The following IL1RAPL2 variants were observed in gnomAD, a reference collection of about 807,000 sequenced individuals.
IL1RAPL2 encodes the protein interleukin 1 receptor accessory protein like 2.
Under a neutral mutation model 44.1 loss-of-function variants are expected in IL1RAPL2, and 3 were observed. The observed-to-expected ratio is 0.07, with a 90% CI of 0.03 to 0.18. The LOEUF is 0.18. Among genes scored for constraint, IL1RAPL2 ranks in the 10% least tolerant of loss-of-function variants. The pLI, the probability that IL1RAPL2 is intolerant of heterozygous loss-of-function variation, is 1.00. For missense variants in IL1RAPL2, 391 were observed against 496.4 expected (o/e 0.79, Z 2.02); for synonymous variants, 181 against 178.8 (o/e 1.01, Z -0.10).
chrX:105,401,306 T>C (rs1428200128), intron 5 of IL1RAPL2, among the ~76,000 whole-genome samples: 1 of 111,426 alleles, frequency 9.0e-6, no homozygotes, highest in Non-Finnish European at 1.9e-5. Context: ...AAAGGTTATA[T>C]GAGATTGGTT....
At chrX:104,964,278 G>GGATT (rs1169300634) in intron 2 of IL1RAPL2, among the ~76,000 whole-genome samples, 37 of 86,170 alleles carry the variant, frequency 4.3e-4, no homozygotes, top group South Asian at 1.1e-3. Context: ...ATTGTGCCAG[G>GGATT]GATTTATTTA....
At chrX:105,526,846 G>C (rs1304939903) in intron 6 of IL1RAPL2, among the ~76,000 whole-genome samples, 1 of 111,226 alleles carries the variant, frequency 9.0e-6, no homozygotes, top group Non-Finnish European at 1.9e-5. Context: ...TTCTGGTTTA[G>C]TGCTTTCTGG....
At chrX:105,203,202 C>A (rs1224980808) in intron 3 of IL1RAPL2, among the ~76,000 whole-genome samples, 2 of 112,201 alleles carry the variant, frequency 1.8e-5, no homozygotes, top group African/African-American at 6.5e-5. Context: ...CAGATTCTAT[C>A]CCTATTTGCT....
chrX:105,314,898 G>C (rs2034825548), intron 5 of IL1RAPL2, among the ~76,000 whole-genome samples: 1 of 112,015 alleles, frequency 8.9e-6, no homozygotes, highest in Non-Finnish European at 1.9e-5. Context: ...GGAGGGAAAG[G>C]ATGAGAAGCT....
intron 2 of IL1RAPL2, among the ~76,000 whole-genome samples, chrX:105,056,821 C>G (rs2031999559): frequency 8.9e-6 from 1 of 111,944 alleles, no homozygotes; most frequent in Non-Finnish European, 1.9e-5. Flanking sequence ...ACTAAATTAG[C>G]TAGACTATAT....
At chrX:104,698,010 T>C (rs970326440) in intron 2 of IL1RAPL2, among the ~76,000 whole-genome samples, 5 of 112,216 alleles carry the variant, frequency 4.5e-5, no homozygotes, top group African/African-American at 1.6e-4. Flanking sequence ...TGATCAATTC[T>C]AAGCTCACTT....
At chrX:104,635,507 C>T (rs925197800) in intron 1 of IL1RAPL2, among the ~76,000 whole-genome samples, 5 of 111,967 alleles carry the variant, frequency 4.5e-5, no homozygotes, top group African/African-American at 9.7e-5. Context: ...AATCTTTTCA[C>T]ATAGTCCCAT....
intron 5 of IL1RAPL2, among the ~76,000 whole-genome samples, chrX:105,360,217 A>T (rs1312027057): frequency 9.0e-6 from 1 of 111,684 alleles, no homozygotes; most frequent in East Asian, 2.8e-4. Flanking sequence ...TGGGAATACT[A>T]TATGAGACCA....
chrX:104,975,964 A>G (rs2030326691), intron 2 of IL1RAPL2, among the ~76,000 whole-genome samples: 1 of 111,200 alleles, frequency 9.0e-6, no homozygotes, highest in Admixed American at 9.6e-5. Context: ...TTAGGCATAT[A>G]GCTTTCTGGT....
intron 3 of IL1RAPL2, among the ~76,000 whole-genome samples, chrX:105,196,236 C>T (rs1374025842): frequency 3.6e-5 from 4 of 110,727 alleles, no homozygotes; most frequent in African/African-American, 6.6e-5. Context: ...GAGCCGAGAT[C>T]GCGCCACTGC....
At chrX:105,188,251 T>G (rs782320369) in intron 2 of IL1RAPL2, among the ~76,000 whole-genome samples, 1 of 110,689 alleles carries the variant, frequency 9.0e-6, no homozygotes, top group Non-Finnish European at 1.9e-5. Flanking sequence ...GCAGATTTGG[T>G]AGGGGAGAGA....
chrX:104,595,852 A>G lies in IL1RAPL2; in HGVS notation c.-20+28801A>G, dbSNP rs143769824. Among the ~76,000 whole-genome samples, 504 of 111,673 alleles carry G rather than the reference A, an allele frequency of 4.5e-3. 2 individuals carry two copies. Among genetic ancestry groups the G allele is most frequent in the African/African-American group, 0.014 (442 of 30,792 alleles). On this transcript the variant is annotated intron_variant, in intron 1 of 10. Coordinates refer to ENST00000372582, the MANE Select transcript of IL1RAPL2 (RefSeq NM_017416.2). ...AAAAATCACCTAGGGATGCTGGTTC[A>G]AAGTGAAGATCCTTGTCTACACAAC... is the stretch of plus-strand genomic sequence containing the variant.
chrX:105,249,539 G>C (rs757911366), intron 4 of IL1RAPL2, among the ~76,000 whole-genome samples: 1 of 111,396 alleles, frequency 9.0e-6, no homozygotes, highest in Admixed American at 9.6e-5. Flanking sequence ...TGAGGGAATG[G>C]AAACCCCATT....
chrX:105,477,715 T>C (rs1174947244), intron 5 of IL1RAPL2, among the ~76,000 whole-genome samples: 1 of 111,234 alleles, frequency 9.0e-6, no homozygotes, highest in African/African-American at 3.3e-5. Flanking sequence ...TATTCCCAAG[T>C]CTTTCTTCCC....
intron 6 of IL1RAPL2, among the ~76,000 whole-genome samples, chrX:105,588,419 G>A (rs1172958230): frequency 9.0e-6 from 1 of 111,348 alleles, no homozygotes; most frequent in Admixed American, 9.6e-5. Context: ...TTCAGGGATG[G>A]ATGTGCAGGT....
chrX:105,205,557 T>C (rs189985615), intron 3 of IL1RAPL2, among the ~76,000 whole-genome samples: 289 of 75,735 alleles, frequency 3.8e-3, no homozygotes, highest in Non-Finnish European at 5.5e-3. Flanking sequence ...GCCACGGCAC[T>C]CCAGCCTCGG....
intron 5 of IL1RAPL2, among the ~76,000 whole-genome samples, chrX:105,376,198 G>A (rs1569431301): frequency 1.8e-5 from 2 of 111,957 alleles, no homozygotes; most frequent in African/African-American, 3.2e-5. Flanking sequence ...ACTTATTGAG[G>A]CTAGTTGGTC....
At chrX:105,477,736 A>G (rs2036207333) in intron 5 of IL1RAPL2, among the ~76,000 whole-genome samples, 1 of 111,443 alleles carries the variant, frequency 9.0e-6, no homozygotes, top group South Asian at 3.8e-4. Flanking sequence ...AAAATCCTCA[A>G]TTCCCTCAGA....
rs368891975 is a variant in IL1RAPL2, at chrX:105,235,818, G to C, written c.543+1814G>C. On this transcript the variant is annotated intron_variant, in intron 4 of 10. Transcript: ENST00000372582. ...TTTAAATCTCAGTGCAACTCTGTGT[G>C]ATAGGTGCTATTATCCTAATTTAAT... 4.5e-5 allele frequency among the ~76,000 whole-genome samples: 5 copies of C among 112,218 alleles called. No individual in the cohort carries two copies. In the East Asian group the frequency reaches 8.4e-4, roughly 19 times the overall value.
Sources: gnomAD v4.1 joint callset for allele counts (sites outside exome capture counted in the v4.1 genomes callset) on GRCh38, gnomAD v4.1.1 for gene constraint, MANE v1.5 for transcripts, NCBI Gene and HGNC (gene_info 2026-07-23, HGNC 2026-07-21) for gene names.